The following SLC4A4 variants were observed in gnomAD, a reference collection of about 807,000 sequenced individuals.
SLC4A4 encodes electrogenic sodium bicarbonate cotransporter 1.
In SLC4A4, 27 loss-of-function variants were observed where a neutral mutation model predicts 111.5. That is an observed-to-expected ratio of 0.24 (90% CI 0.18 to 0.33). The LOEUF (loss-of-function observed/expected upper bound fraction) is 0.33. Ranked by LOEUF, SLC4A4 falls within the 10% of genes least tolerant of loss-of-function variation. The probability of loss-of-function intolerance (pLI) is 1.00; values close to 1 mark genes in which losing one functional copy is unlikely to be tolerated. For synonymous variants in SLC4A4, 443 were observed against 463.4 expected, an observed-to-expected ratio of 0.96 and a Z score of 0.57; for missense variants, 909 against 1,315.5, an observed-to-expected ratio of 0.69 and a Z score of 4.78.
rs1742072298 is a variant in SLC4A4, at chr4:71,084,020, C to T, written c.-64-8710C>T. ...GAGCTGTCTCTCTCTCTCTCTCTCT[C>T]TGTCTCTGTGTGTGTGCATTTATGT... On this transcript the variant is annotated intron_variant, in intron 1 of 26. Coordinates refer to the SLC4A4 transcript ENST00000649996. 5.3e-5 allele frequency among the ~76,000 whole-genome samples: 8 copies of T among 151,810 alleles called. No homozygotes were observed. In the South Asian group the frequency reaches 1.7e-3, roughly 32 times the overall value.
intron 1 of SLC4A4, among the ~76,000 whole-genome samples, chr4:71,090,536 A>T (rs990083515): frequency 6.6e-6 from 1 of 152,190 alleles, no homozygotes; most frequent in South Asian, 2.1e-4. Flanking sequence ...ATGTGTTAAG[A>T]TAAAGGGAGT....
At chr4:71,100,587 G>T (rs1239198230) in intron 2 of SLC4A4, among the ~76,000 whole-genome samples, 1 of 152,096 alleles carries the variant, frequency 6.6e-6, no homozygotes, top group South Asian at 2.1e-4. Flanking sequence ...GTATTGTAAG[G>T]TCTGCCCAGA....
chr4:71,348,959 C>T (rs1055701808), intron 4 of SLC4A4, among the ~76,000 whole-genome samples: 3 of 152,120 alleles, frequency 2.0e-5, no homozygotes, highest in Admixed American at 2.0e-4. Context: ...TTCAATATCT[C>T]TCAGAAGGTT....
chr4:71,142,032 G>T (rs1191623836), intron 2 of SLC4A4, among the ~76,000 whole-genome samples: 1 of 152,178 alleles, frequency 6.6e-6, no homozygotes, highest in African/African-American at 2.4e-5. Flanking sequence ...ATACAAAATT[G>T]CATCAGACCT....
chr4:71,459,739 G>T (rs967390469), intron 12 of SLC4A4, among the ~76,000 whole-genome samples: 1 of 151,926 alleles, frequency 6.6e-6, no homozygotes, highest in Admixed American at 6.6e-5. Flanking sequence ...TTTGATATTT[G>T]TTTCAAATAC....
chr4:71,101,161 A>C (rs1742720347), intron 2 of SLC4A4, among the ~76,000 whole-genome samples: 1 of 152,226 alleles, frequency 6.6e-6, no homozygotes, highest in Non-Finnish European at 1.5e-5. Flanking sequence ...CGGGAGGCTG[A>C]GGCAGGAGAA....
At chr4:71,166,587 T>C (rs1744749228) in intron 2 of SLC4A4, among the ~76,000 whole-genome samples, 1 of 152,246 alleles carries the variant, frequency 6.6e-6, no homozygotes, top group Admixed American at 6.5e-5. Context: ...TAGAGGTATC[T>C]GCAGGAAAAC....
intron 1 of SLC4A4, among the ~76,000 whole-genome samples, chr4:71,223,215 G>A (rs570362460): frequency 2.0e-5 from 3 of 149,478 alleles, no homozygotes; most frequent in East Asian, 2.0e-4. Context: ...TCCCTCTGTC[G>A]CCCAGGCTGG....
chr4:71,447,595 G>A (rs985313595), intron 8 of SLC4A4, 51 bp from the exon 9 acceptor site: 14 of 1,113,122 alleles, frequency 1.3e-5, no homozygotes, highest in Non-Finnish European at 1.8e-5. Flanking sequence ...TATGTATGTT[G>A]AGTTTGATGA....
chr4:71,282,459 AT>A, intron 3 of SLC4A4, among the ~76,000 whole-genome samples: 1 of 150,712 alleles, frequency 6.6e-6, no homozygotes, highest in South Asian at 2.1e-4. Context: ...CTAATTTTGT[AT>A]TTTTAGTAGA....
rs1331104904 is a variant in SLC4A4, at chr4:71,567,120, G to T, written c.*36+37G>T. 2.0e-6 allele frequency: 3 copies of T among 1,494,420 alleles called. No homozygotes were observed. The South Asian group carries it at 3.5e-5, about 17-fold the overall frequency. The allele number at this position is 1,494,420 out of a possible 1,614,324, so 92.6% of individuals were successfully genotyped here. Reference sequence around the variant, plus strand: ...CCCAGTATTTTATGTTTTTCTGTGGGATAATTGCCCCACAGAAATGTAGTT... The same window carrying T: ...CCCAGTATTTTATGTTTTTCTGTGGTATAATTGCCCCACAGAAATGTAGTT... On this transcript the variant is annotated intron_variant, in intron 25 of 25. Coordinates refer to ENST00000264485, the MANE Select transcript of SLC4A4 (RefSeq NM_001098484.3).
intron 6 of SLC4A4, among the ~76,000 whole-genome samples, chr4:71,395,604 A>G (rs1011207130): frequency 6.6e-6 from 1 of 152,218 alleles, no homozygotes; most frequent in African/African-American, 2.4e-5. Context: ...TCAAGATTAC[A>G]ATTATAATGA....
chr4:71,160,233 C>T (rs1368834082), intron 2 of SLC4A4, among the ~76,000 whole-genome samples: 1 of 152,102 alleles, frequency 6.6e-6, no homozygotes, highest in Non-Finnish European at 1.5e-5. Flanking sequence ...TACTCATGAC[C>T]CAATACTCTC....
chr4:71,202,803 A>G (rs1159147314), intron 1 of SLC4A4, among the ~76,000 whole-genome samples: 2 of 152,228 alleles, frequency 1.3e-5, no homozygotes, highest in African/African-American at 2.4e-5. Context: ...AATGAGGATT[A>G]CATGGAATAC....
chr4:71,395,741 G>T (rs993923878), intron 6 of SLC4A4, among the ~76,000 whole-genome samples: 3 of 152,092 alleles, frequency 2.0e-5, no homozygotes, highest in Non-Finnish European at 4.4e-5. Context: ...TAGGCTATTG[G>T]CTAGGAAATT....
chr4:71,502,285 C>T (rs1205726506), intron 16 of SLC4A4, among the ~76,000 whole-genome samples: 1 of 152,140 alleles, frequency 6.6e-6, no homozygotes, highest in Non-Finnish European at 1.5e-5. Context: ...TTTAAAGAAA[C>T]CTCAACTTTT....
At chr4:71,138,790 A>C (rs1743914277) in intron 2 of SLC4A4, among the ~76,000 whole-genome samples, 1 of 151,974 alleles carries the variant, frequency 6.6e-6, no homozygotes. Flanking sequence ...TAATCCCAGC[A>C]CTTTGGGAGG....
intron 6 of SLC4A4, among the ~76,000 whole-genome samples, chr4:71,391,503 G>A (rs1719262177): frequency 1.3e-5 from 2 of 152,098 alleles, no homozygotes; most frequent in South Asian, 4.1e-4. Flanking sequence ...GTGTGCTAAA[G>A]AATAACAATG....
At chr4:71,376,156 T>TATATAC (rs1553900734) in intron 6 of SLC4A4, among the ~76,000 whole-genome samples, 22 of 135,552 alleles carry the variant, frequency 1.6e-4, no homozygotes, top group East Asian at 1.5e-3. Flanking sequence ...CCTGTATATA[T>TATATAC]ACACACACAC....
Sources: allele counts gnomAD v4.1 joint callset (sites outside exome capture counted in the v4.1 genomes callset), GRCh38; gene constraint gnomAD v4.1.1; transcripts MANE v1.5; gene names NCBI Gene and HGNC (gene_info 2026-07-23, HGNC 2026-07-21).